Variants in SARS2 observed in about 807,000 individuals in gnomAD.
The protein encoded by SARS2 is serine--tRNA ligase, mitochondrial.
A neutral mutation model predicts 66.8 loss-of-function variants in SARS2; 52 were observed. The ratio of observed to expected loss-of-function variants is 0.78; its 90% CI spans 0.62 to 0.98. The LOEUF is 0.98. Among genes scored for constraint, SARS2 ranks in the 50% least tolerant of loss-of-function variants. SARS2 has a pLI of 0.00. For missense variants in SARS2, 673 were observed against 706.3 expected (o/e 0.95, Z 0.53); for synonymous variants, 306 against 281.4 (o/e 1.09, Z -0.87).
At position 38,919,748 on chromosome 19, in the gene SARS2, A is replaced by T. The variant is rs766216656; in HGVS notation, c.759+14T>A. On this transcript the variant is annotated intron_variant, in intron 7 of 15. Coordinates refer to ENST00000221431, the MANE Select transcript of SARS2 (RefSeq NM_017827.4). Reference sequence around the variant, plus strand: ...GCCACCCCCTCCAGGCAGCCCTCCTATCTTGGCCCATACCCGGCGGAGAAG... The same window carrying T: ...GCCACCCCCTCCAGGCAGCCCTCCTTTCTTGGCCCATACCCGGCGGAGAAG... The T allele has an allele frequency of 1.9e-5, 31 of 1,610,250 alleles. No individual in the cohort carries two copies. Among genetic ancestry groups the T allele is most frequent in the Middle Eastern group, 3.3e-4 (2 of 6,054 alleles).
intron 3 of SARS2, chr19:38,922,032 A>G: frequency 6.4e-7 from 1 of 1,553,916 alleles, no homozygotes; most frequent in South Asian, 1.2e-5. Flanking sequence ...TGGGAATGGG[A>G]GGAACGTAGG....
intron 7 of SARS2, among the ~76,000 whole-genome samples, chr19:38,919,262 G>A (rs192459601): frequency 6.6e-6 from 1 of 152,332 alleles, no homozygotes; most frequent in African/African-American, 2.4e-5. Flanking sequence ...ACTCCAGCCT[G>A]GGTGACAGAG....
rs754382450 is a variant in SARS2 at position 38,916,137 on chromosome 19, G to A, written c.1255-8C>T. The A allele has an allele frequency of 6.2e-7, 1 of 1,613,914 alleles. No homozygotes were observed. The highest frequency in any genetic ancestry group is 8.5e-7 in the Non-Finnish European group (1 of 1,179,944). On this transcript the variant is annotated splice_region_variant and splice_polypyrimidine_tract_variant and intron_variant, in intron 13 of 15. Coordinates refer to ENST00000221431, the MANE Select transcript of SARS2 (RefSeq NM_017827.4). Reference sequence around the variant, plus strand: ...GTTGGAAGCACTGGTGACCTGGGGTGGAGGAGCGGCAGGCTGAGCGGATCA... The same window carrying A: ...GTTGGAAGCACTGGTGACCTGGGGTAGAGGAGCGGCAGGCTGAGCGGATCA...
chr19:38,924,825 T>C (rs532941251), intron 2 of SARS2, among the ~76,000 whole-genome samples: 34 of 152,274 alleles, frequency 2.2e-4, no homozygotes, highest in African/African-American at 7.7e-4. Flanking sequence ...CCCGTTTTAA[T>C]CTCTTAGGGC....
At chr19:38,928,477 T>C (rs1286338441) in intron 1 of SARS2, 1 of 134,244 alleles carries the variant, frequency 7.4e-6, no homozygotes, top group Non-Finnish European at 1.6e-5. Flanking sequence ...GAGAATATAA[T>C]TAAAGAACAA....
intron 1 of SARS2, 191 bp downstream of exon 1, chr19:38,930,279 G>A (rs1011181630): frequency 5.8e-6 from 4 of 691,744 alleles, no homozygotes; most frequent in Non-Finnish European, 9.5e-6. Flanking sequence ...GGCATTCTTG[G>A]CACATAGTAG....
rs117093832 is a variant in SARS2 at position 38,927,682 on chromosome 19, C to T, written c.268-1382G>A. Among the ~76,000 whole-genome samples, 33 of 152,286 alleles carry T rather than the reference C, an allele frequency of 2.2e-4. No homozygotes were observed. In the East Asian group the frequency reaches 4.6e-3, roughly 21 times the overall value. On this transcript the variant is annotated intron_variant, in intron 1 of 15. Transcript: ENST00000221431. ...TCCCAACAGCAATGCACAACGATTC[C>T]GACGTTTCCACAACACAATTCTTGC...
chr19:38,923,219 CTTTTTTTTT>C (rs1165441029), intron 2 of SARS2, among the ~76,000 whole-genome samples: 4 of 75,762 alleles, frequency 5.3e-5, no homozygotes, highest in Non-Finnish European at 9.4e-5. Context: ...CTCAGGTTTT[CTTTTTTTTT>C]TTTTTTTTTT....
intron 7 of SARS2, among the ~76,000 whole-genome samples, chr19:38,919,444 T>A (rs1054405020): frequency 6.6e-6 from 1 of 152,162 alleles, no homozygotes; most frequent in African/African-American, 2.4e-5. Context: ...GATTCCCAAA[T>A]GCTCCCTTTA....
chr19:38,923,445 A>G (rs982720648), intron 2 of SARS2, among the ~76,000 whole-genome samples: 3 of 144,018 alleles, frequency 2.1e-5, no homozygotes, highest in Admixed American at 1.4e-4. Context: ...GATGGTCTCG[A>G]TCTCCTGACC....
intron 2 of SARS2, among the ~76,000 whole-genome samples, chr19:38,924,494 T>G (rs1974595834): frequency 6.6e-6 from 1 of 152,134 alleles, no homozygotes; most frequent in Non-Finnish European, 1.5e-5. Flanking sequence ...TGGTTGTCCA[T>G]GATGTAGACA....
chr19:38,928,117 G>A (rs1974660339), intron 1 of SARS2, among the ~76,000 whole-genome samples: 1 of 148,758 alleles, frequency 6.7e-6, no homozygotes, highest in African/African-American at 2.5e-5. Flanking sequence ...AGTGGCTCAT[G>A]CCTGTAATCC....
At chr19:38,925,077 G>A (rs1272174680) in intron 2 of SARS2, among the ~76,000 whole-genome samples, 1 of 152,198 alleles carries the variant, frequency 6.6e-6, no homozygotes, top group Non-Finnish European at 1.5e-5. Context: ...ACTTTGGGAG[G>A]CCAAGGCGGG....
intron 12 of SARS2, among the ~76,000 whole-genome samples, chr19:38,917,022 G>A (rs972971964): frequency 2.0e-5 from 3 of 151,034 alleles, no homozygotes; most frequent in Admixed American, 1.3e-4. Context: ...GAGTGCAGTG[G>A]CATGATCACA....
chr19:38,915,274 G>A lies in SARS2; in HGVS notation c.*332C>T. 1 of 502,254 alleles carries A rather than the reference G, an allele frequency of 2.0e-6. No homozygotes were observed. The highest frequency in any genetic ancestry group is 3.6e-5 in the Admixed American group (1 of 28,042). The allele number at this position is 502,254 out of a possible 1,614,324, so 31.1% of individuals were successfully genotyped here. On this transcript the variant is annotated 3_prime_UTR_variant, in exon 16 of 16. Coordinates refer to ENST00000221431, the MANE Select transcript of SARS2 (RefSeq NM_017827.4). ...ACAGATCCACAGAGGCCTTTGTCCT[G>A]ACCATTTATTGGGGACTTTTTGCTC... is the stretch of plus-strand genomic sequence containing the variant.
At chr19:38,928,597 G>A (rs2144783561) in intron 1 of SARS2, among the ~76,000 whole-genome samples, 1 of 152,248 alleles carries the variant, frequency 6.6e-6, no homozygotes, top group East Asian at 1.9e-4. Flanking sequence ...TGGCCACAAA[G>A]TTTGAAAAAG....
chr19:38,928,626 G>T (rs1432497402), intron 1 of SARS2, among the ~76,000 whole-genome samples: 1 of 152,056 alleles, frequency 6.6e-6, no homozygotes, highest in Non-Finnish European at 1.5e-5. Flanking sequence ...AGGATGTGAC[G>T]CTCTAAATTA....
chr19:38,927,570 C>T (rs557353339), intron 1 of SARS2, among the ~76,000 whole-genome samples: 1 of 150,812 alleles, frequency 6.6e-6, no homozygotes, highest in Non-Finnish European at 1.5e-5. Context: ...AGAGTGAGAC[C>T]TTGTCTCCAA....
intron 2 of SARS2, among the ~76,000 whole-genome samples, chr19:38,923,214 G>GTTTT (rs1285075055): frequency 2.1e-5 from 2 of 96,142 alleles, no homozygotes. Context: ...CTGATCTCAG[G>GTTTT]TTTTCTTTTT....
Sources: allele counts gnomAD v4.1 joint callset (sites outside exome capture counted in the v4.1 genomes callset), GRCh38; gene constraint gnomAD v4.1.1; transcripts MANE v1.5; gene names NCBI Gene and HGNC (gene_info 2026-07-23, HGNC 2026-07-21).